Variants in DPH6 observed in about 807,000 individuals in gnomAD.
DPH6 encodes the protein diphthine--ammonia ligase.
DPH6 carries 33 observed loss-of-function variants against 38.2 expected under a neutral mutation model. That is an observed-to-expected ratio of 0.86 (90% CI 0.65 to 1.15). DPH6 has a LOEUF of 1.15. Among genes scored for constraint, DPH6 ranks in the 50% most tolerant of loss-of-function variants. The probability of loss-of-function intolerance (pLI) is 0.00; values close to 1 mark genes in which losing one functional copy is unlikely to be tolerated. For synonymous variants in DPH6, 108 were observed against 103.0 expected (o/e 1.05, Z -0.30); for missense variants, 325 against 320.0 (o/e 1.02, Z -0.12).
At chr15:35,210,023 T>A in the DPH6 span, among the ~76,000 whole-genome samples, 2 of 152,284 alleles carry the variant, frequency 1.3e-5, no homozygotes, top group South Asian at 4.1e-4. Context: ...GCCATGAAAG[T>A]GTGCTGAAGT....
intron 3 of DPH6, among the ~76,000 whole-genome samples, chr15:35,462,110 T>A (rs1443482309): frequency 6.6e-6 from 1 of 152,208 alleles, no homozygotes; most frequent in Admixed American, 6.5e-5. Flanking sequence ...TCAGTAGTTC[T>A]GTGAGCTTCA....
intron 3 of DPH6, among the ~76,000 whole-genome samples, chr15:35,239,206 C>G (rs1199293388): frequency 6.9e-6 from 1 of 144,124 alleles, no homozygotes; most frequent in Non-Finnish European, 1.5e-5. Flanking sequence ...AATTTCAAAT[C>G]CGGTAAGCGG....
At chr15:35,164,941 A>T in the DPH6 span, among the ~76,000 whole-genome samples, 2 of 151,916 alleles carry the variant, frequency 1.3e-5, no homozygotes, top group African/African-American at 2.4e-5. Flanking sequence ...CTTTTAGGAA[A>T]GAGACCATCC....
chr15:35,178,543 C>T, the DPH6 span, among the ~76,000 whole-genome samples: 1 of 152,152 alleles, frequency 6.6e-6, no homozygotes, highest in Non-Finnish European at 1.5e-5. Flanking sequence ...CTCCATGACA[C>T]ATGGGAATTA....
At chr15:35,187,305 C>T in the DPH6 span, among the ~76,000 whole-genome samples, 1 of 152,124 alleles carries the variant, frequency 6.6e-6, no homozygotes, top group Non-Finnish European at 1.5e-5. Context: ...TAGTCTAAAG[C>T]CTGTGCTCTT....
chr15:35,365,891 T>C (rs886530448), downstream of DPH6: 5 of 985,158 alleles, frequency 5.1e-6, no homozygotes, highest in African/African-American at 7.0e-5. Flanking sequence ...CCCCAAGTTG[T>C]CTCATTTAGT....
At chr15:35,354,738 T>C (rs1271741094) in intron 3 of DPH6, among the ~76,000 whole-genome samples, 1 of 152,178 alleles carries the variant, frequency 6.6e-6, no homozygotes, top group African/African-American at 2.4e-5. Flanking sequence ...TGGTCTAAAA[T>C]TCTCTTTTTT....
At chr15:35,249,471 T>A (rs2051657172) in intron 3 of DPH6, among the ~76,000 whole-genome samples, 1 of 152,190 alleles carries the variant, frequency 6.6e-6, no homozygotes, top group Non-Finnish European at 1.5e-5. Flanking sequence ...AGATAGATGG[T>A]ATAAATCTAT....
intron 3 of DPH6, among the ~76,000 whole-genome samples, chr15:35,462,051 T>G (rs988886302): frequency 6.6e-6 from 1 of 152,266 alleles, no homozygotes; most frequent in South Asian, 2.1e-4. Context: ...GCCAAAAACT[T>G]TAGATTCACT....
At chr15:35,462,722 T>C (rs1481268870) in intron 3 of DPH6, among the ~76,000 whole-genome samples, 1 of 152,234 alleles carries the variant, frequency 6.6e-6, no homozygotes, top group Non-Finnish European at 1.5e-5. Context: ...CCTAAAATTA[T>C]ATCATTTTTT....
At chr15:35,343,252 AC>A (rs1455026123) in intron 3 of DPH6, among the ~76,000 whole-genome samples, 9 of 152,176 alleles carry the variant, frequency 5.9e-5, no homozygotes, top group Non-Finnish European at 1.3e-4. Context: ...TTCTTAAAAT[AC>A]ATTTTTGTAA....
At chr15:35,324,263 T>A (rs1334660862) in intron 3 of DPH6, among the ~76,000 whole-genome samples, 1 of 152,194 alleles carries the variant, frequency 6.6e-6, no homozygotes, top group Non-Finnish European at 1.5e-5. Flanking sequence ...CTGAAGATGC[T>A]ATATTAGTAG....
chr15:35,180,392 AACAC>A, the DPH6 span, among the ~76,000 whole-genome samples: 15,711 of 140,188 alleles, frequency 0.11, 1,005 homozygotes, highest in African/African-American at 0.19. Context: ...TTGGTTTTAA[AACAC>A]ACACACACAC....
intron 3 of DPH6, chr15:35,282,735 AG>A: frequency 5.7e-6 from 2 of 353,372 alleles, no homozygotes; most frequent in South Asian, 3.0e-5. Context: ...CAGCAGTTCC[AG>A]GGGAAAGCTG....
intron 3 of DPH6, among the ~76,000 whole-genome samples, chr15:35,269,916 G>C (rs560308134): frequency 9.4e-5 from 14 of 148,892 alleles, no homozygotes; most frequent in African/African-American, 3.2e-4. Flanking sequence ...TCAGCCTCCC[G>C]AGTAGCTGGG....
At chr15:35,531,482 T>A (rs536147738) in intron 3 of DPH6, among the ~76,000 whole-genome samples, 94 of 152,190 alleles carry the variant, frequency 6.2e-4, no homozygotes, top group Middle Eastern at 3.4e-3. Context: ...ATTAAAAAAA[T>A]TTTTTTTGAG....
chr15:35,286,693 G>GA (rs1195019302), intron 3 of DPH6, among the ~76,000 whole-genome samples: 1 of 152,192 alleles, frequency 6.6e-6, no homozygotes, highest in Non-Finnish European at 1.5e-5. Context: ...AACTTTGTCT[G>GA]AAAAGGTAAA....
intron 3 of DPH6, among the ~76,000 whole-genome samples, chr15:35,286,550 T>G (rs1167503379): frequency 6.6e-6 from 1 of 152,344 alleles, no homozygotes; most frequent in East Asian, 1.9e-4. Context: ...GAATAAATAG[T>G]TCATAAGACA....
At chr15:35,262,584 T>C (rs865992501) in intron 3 of DPH6, among the ~76,000 whole-genome samples, 9 of 151,970 alleles carry the variant, frequency 5.9e-5, no homozygotes, top group African/African-American at 1.2e-4. Context: ...CGGGCGCCTG[T>C]AGTCCCAGCT....
Sources: gnomAD v4.1 joint callset for allele counts (sites outside exome capture counted in the v4.1 genomes callset) on GRCh38, gnomAD v4.1.1 for gene constraint, MANE v1.5 for transcripts, NCBI Gene and HGNC (gene_info 2026-07-23, HGNC 2026-07-21) for gene names.